Variants in HSD17B12 observed in about 807,000 individuals in gnomAD.
HSD17B12 encodes the protein hydroxysteroid 17-beta dehydrogenase 12, also known as very-long-chain 3-oxoacyl-CoA reductase.
A neutral mutation model predicts 39.3 loss-of-function variants in HSD17B12; 32 were observed. That is an observed-to-expected ratio of 0.81 (90% CI 0.61 to 1.09). The LOEUF (loss-of-function observed/expected upper bound fraction) is 1.09, where lower values mean the gene tolerates loss of function less well. HSD17B12 is among the 50% of genes least tolerant of loss of function. The pLI, the probability that HSD17B12 is intolerant of heterozygous loss-of-function variation, is 0.00. For synonymous variants in HSD17B12, 150 were observed against 146.7 expected, an observed-to-expected ratio of 1.02 and a Z score of -0.16; for missense variants, 342 against 382.9, an observed-to-expected ratio of 0.89 and a Z score of 0.89.
the HSD17B12 span, among the ~76,000 whole-genome samples, chr11:43,657,879 C>G: frequency 6.6e-6 from 1 of 152,154 alleles, no homozygotes; most frequent in African/African-American, 2.4e-5. Flanking sequence ...AATTATGTGT[C>G]TTGGAGTTGC....
At chr11:43,619,166 T>TATATATG in the HSD17B12 span, among the ~76,000 whole-genome samples, 4 of 73,502 alleles carry the variant, frequency 5.4e-5, no homozygotes, top group Admixed American at 2.3e-4. Flanking sequence ...ATATATATGA[T>TATATATG]ATATATATAT....
intron 1 of HSD17B12, among the ~76,000 whole-genome samples, chr11:43,740,915 C>T (rs888413547): frequency 6.6e-6 from 1 of 152,210 alleles, no homozygotes; most frequent in Non-Finnish European, 1.5e-5. Flanking sequence ...GGCTCTGGCC[C>T]AGATGTGCAT....
At chr11:43,591,257 C>T in the HSD17B12 span, among the ~76,000 whole-genome samples, 1 of 152,064 alleles carries the variant, frequency 6.6e-6, no homozygotes, top group Non-Finnish European at 1.5e-5. Context: ...ATAAAACAAA[C>T]ATTTAAGCAA....
At chr11:43,687,404 A>C (rs1201271565) in intron 1 of HSD17B12, among the ~76,000 whole-genome samples, 1 of 152,222 alleles carries the variant, frequency 6.6e-6, no homozygotes, top group Non-Finnish European at 1.5e-5. Context: ...CAAAATGAAT[A>C]AACTGTGCTA....
intron 9 of HSD17B12, among the ~76,000 whole-genome samples, chr11:43,844,278 C>T (rs1951454051): frequency 6.6e-6 from 1 of 152,126 alleles, no homozygotes; most frequent in African/African-American, 2.4e-5. Flanking sequence ...TTTCTCTCCC[C>T]ATCTTTCCCT....
At chr11:43,649,241 ATTAC>A in the HSD17B12 span, among the ~76,000 whole-genome samples, 4 of 152,088 alleles carry the variant, frequency 2.6e-5, no homozygotes, top group Non-Finnish European at 5.9e-5. Flanking sequence ...ATTTGCTATA[ATTAC>A]TTTCTGATAG....
intron 6 of HSD17B12, chr11:43,830,747 C>G (rs1288914725): frequency 9.0e-6 from 3 of 333,688 alleles, no homozygotes; most frequent in Admixed American, 4.9e-5. Flanking sequence ...TAATTTTAGC[C>G]AGGTTCATTA....
At chr11:43,564,767 A>G in the HSD17B12 span, among the ~76,000 whole-genome samples, 35 of 152,320 alleles carry the variant, frequency 2.3e-4, no homozygotes, top group East Asian at 6.4e-3. Context: ...GAACCCATAT[A>G]TTTGCTAATA....
In HSD17B12 at chr11:43,816,350, A is replaced by G; in HGVS notation, c.460A>G (p.Ile154Val). The G allele has an allele frequency of 6.7e-7, 1 of 1,502,320 alleles. No homozygotes were observed. The highest frequency in any genetic ancestry group is 9.0e-7 in the Non-Finnish European group (1 of 1,108,998). The allele number at this position is 1,502,320 out of a possible 1,614,324, so 93.1% of individuals were successfully genotyped here. The change falls in exon 6 of 11, where the codon ATC (isoleucine) becomes GTC (valine). Residue 154 changes from isoleucine to valine, a missense_variant. Transcript: ENST00000278353. The stretch of plus-strand genomic sequence containing the variant: ...AATTCTCAATATTTTTTTGCAGGTG[A>G]TCAAGAAAATGATAAATATTAATAT... Reference protein sequence around the residue: ...FLDVPDLDNVIKKMININILS... With the variant: ...FLDVPDLDNVVKKMININILS...
At chr11:43,738,726 G>C (rs867471226) in intron 1 of HSD17B12, among the ~76,000 whole-genome samples, 1 of 152,178 alleles carries the variant, frequency 6.6e-6, no homozygotes, top group East Asian at 1.9e-4. Flanking sequence ...CTAGCAGTTA[G>C]ACTGTGATGA....
At chr11:43,607,586 A>G in the HSD17B12 span, among the ~76,000 whole-genome samples, 2 of 152,330 alleles carry the variant, frequency 1.3e-5, no homozygotes, top group East Asian at 3.9e-4. Context: ...CACAACAACC[A>G]TGTGAGGTAG....
intron 2 of HSD17B12, among the ~76,000 whole-genome samples, chr11:43,751,920 A>G (rs1304951026): frequency 6.6e-6 from 1 of 152,222 alleles, no homozygotes; most frequent in Non-Finnish European, 1.5e-5. Flanking sequence ...GTGACACAAT[A>G]CTGTTGCATA....
At chr11:43,641,978 C>A in the HSD17B12 span, among the ~76,000 whole-genome samples, 3 of 151,718 alleles carry the variant, frequency 2.0e-5, no homozygotes, top group Admixed American at 6.6e-5. Flanking sequence ...GTCACCAATG[C>A]CACATTTGGG....
the HSD17B12 span, among the ~76,000 whole-genome samples, chr11:43,654,180 G>A: frequency 6.6e-6 from 1 of 152,162 alleles, no homozygotes; most frequent in South Asian, 2.1e-4. Context: ...TTTTTTGGCT[G>A]CATAAATGTC....
the HSD17B12 span, among the ~76,000 whole-genome samples, chr11:43,602,207 T>C: frequency 6.6e-6 from 1 of 152,238 alleles, no homozygotes. Flanking sequence ...TATGGAATTA[T>C]ATTTAGTTAT....
the HSD17B12 span, among the ~76,000 whole-genome samples, chr11:43,568,589 A>G: frequency 6.6e-6 from 1 of 152,210 alleles, no homozygotes; most frequent in Non-Finnish European, 1.5e-5. Flanking sequence ...GTTCACGCCT[A>G]CTTTTAAAAT....
chr11:43,809,736 C>T (rs1041540486), intron 4 of HSD17B12, among the ~76,000 whole-genome samples: 16 of 152,192 alleles, frequency 1.1e-4, no homozygotes. Flanking sequence ...AGGAGAATCG[C>T]TTGAACCCAG....
chr11:43,727,744 A>C (rs1003921090), intron 1 of HSD17B12, among the ~76,000 whole-genome samples: 1 of 152,098 alleles, frequency 6.6e-6, no homozygotes, highest in African/African-American at 2.4e-5. Flanking sequence ...AAAACACAAC[A>C]ATTCACCCTC....
the HSD17B12 span, among the ~76,000 whole-genome samples, chr11:43,561,929 A>G: frequency 1.3e-5 from 2 of 152,178 alleles, no homozygotes; most frequent in African/African-American, 2.4e-5. Context: ...GACTCAGAGT[A>G]TGTCTCATTA....
Sources: gnomAD v4.1 joint callset for allele counts (sites outside exome capture counted in the v4.1 genomes callset) on GRCh38, gnomAD v4.1.1 for gene constraint, MANE v1.5 for transcripts, NCBI Gene and HGNC (gene_info 2026-07-23, HGNC 2026-07-21) for gene names.